Variants in CTSA observed in about 807,000 individuals in gnomAD.
The protein encoded by CTSA is cathepsin A.
A neutral mutation model predicts 66.7 loss-of-function variants in CTSA; 42 were observed. The ratio of observed to expected loss-of-function variants is 0.63; its 90% CI spans 0.49 to 0.81. CTSA has a LOEUF of 0.81. Ranked by LOEUF, CTSA falls within the 40% of genes least tolerant of loss-of-function variation. CTSA has a pLI of 0.00. For synonymous variants in CTSA, 225 were observed against 248.6 expected (o/e 0.91, Z 0.89); for missense variants, 525 against 610.9 (o/e 0.86, Z 1.48).
intron 12 of CTSA, chr20:45,897,256 C>T (rs2083120889): frequency 1.7e-6 from 1 of 605,616 alleles, no homozygotes; most frequent in Admixed American, 2.8e-5. Flanking sequence ...TCTGCATCAG[C>T]CACGGAGTCT....
chr20:45,896,136 A>C (rs2083102791), intron 11 of CTSA, among the ~76,000 whole-genome samples: 1 of 152,126 alleles, frequency 6.6e-6, no homozygotes, highest in Admixed American at 6.6e-5. Flanking sequence ...CAGAGGTTGC[A>C]GTGAGCTGAG....
At chr20:45,892,069 A>C in intron 3 of CTSA, 42 bp downstream of exon 3, 1 of 1,572,244 alleles carries the variant, frequency 6.4e-7, no homozygotes, top group Non-Finnish European at 8.8e-7. Context: ...CCAAAGTAAA[A>C]GGCTGGGGAA....
In CTSA at chr20:45,898,451, T is replaced by C. The variant is rs1601150945; in HGVS notation, c.*1T>C. ...CTTCCTGAACAAGCAGCCATACTGA[T>C]GACCACAGCAACCAGCTCCACGGCC... On this transcript the variant is annotated 3_prime_UTR_variant, in exon 15 of 15. Coordinates refer to ENST00000646241, the MANE Select transcript of CTSA (RefSeq NM_000308.4). This position sits in a 1 kb window ranked among gnomAD's most constrained non-coding sequence, Gnocchi z 4.6. 2.5e-6 allele frequency: 4 copies of C among 1,613,644 alleles called. No individual in the cohort carries two copies. Among genetic ancestry groups the C allele is most frequent in the Non-Finnish European group, 3.4e-6 (4 of 1,179,856 alleles).
Position 45,891,436 on chromosome 20 carries a change from G to A in CTSA, c.-1+57G>A, listed in dbSNP as rs6104389. 1.5e-3 allele frequency: 2,390 copies of A among 1,548,352 alleles called. 21 individuals carry two copies. In the African/African-American group the frequency reaches 0.02, roughly 13 times the overall value. ...CCGAGCCCGGGATCGGTGCGCGGCA[G>A]AGGAGGCTCGCGGGTGGGAGCTGGC... is the stretch of plus-strand genomic sequence containing the variant. On this transcript the variant is annotated intron_variant, in intron 1 of 14. Coordinates refer to ENST00000646241, the MANE Select transcript of CTSA (RefSeq NM_000308.4). The surrounding 1 kb of genome is among the most constrained non-coding windows in gnomAD (Gnocchi z 4.6).
intron 12 of CTSA, chr20:45,897,487 C>T: frequency 1.9e-6 from 1 of 537,506 alleles, no homozygotes; most frequent in East Asian, 3.4e-5. Context: ...TAAATATGAG[C>T]CTCAGGTTCT....
chr20:45,896,973 T>G lies in CTSA; in HGVS notation c.1097T>G (p.Val366Gly). Residue 366 changes from valine (V) to glycine (G), a missense_variant, in exon 12 of 15, where the codon GTA becomes GGA. By Grantham distance (109) the Val-to-Gly change is moderately radical. Around this residue, in one of 3 missense-constraint regions of CTSA, gnomAD observed 274 missense variants for 321.1 expected, o/e 0.85. Transcript: ENST00000646241. ...TCGTATGTTCCCGGCAGCTTTCTGG[T>G]AAACTTACAGTACCGCCGTCTCTAC... ...LPQWDMCNFL[V>G]NLQYRRLYRS... The G allele has an allele frequency of 6.2e-7, 1 of 1,614,060 alleles. No individual in the cohort carries two copies. The highest frequency in any genetic ancestry group is 1.1e-5 in the South Asian group (1 of 91,084).
chr20:45,893,486 C>CTTT (rs5841610), intron 7 of CTSA, 175 bp downstream of exon 7: 299 of 518,542 alleles, frequency 5.8e-4, no homozygotes, highest in East Asian at 6.9e-4. Flanking sequence ...TTCTTTCTTT[C>CTTT]TTTTTTTTTT....
chr20:45,898,037 G>A lies in CTSA; in HGVS notation c.1287G>A (p.Lys429=), dbSNP rs41282776. The A allele has an allele frequency of 3.3e-3, 5,247 of 1,614,126 alleles. 11 individuals carry two copies. Among genetic ancestry groups the A allele is most frequent in the Non-Finnish European group, 3.8e-3 (4,478 of 1,180,006 alleles). Residue 429 remains lysine, a synonymous_variant, in exon 14 of 15, where the codon AAG becomes AAA. Coordinates refer to ENST00000646241, the MANE Select transcript of CTSA (RefSeq NM_000308.4). The surrounding 1 kb of genome is among the most constrained non-coding windows in gnomAD (Gnocchi z 4.6). The stretch of plus-strand genomic sequence containing the variant: ...TGCAGCGCCGGCCCTGGTTAGTGAA[G>A]TACGGGGACAGCGGGGAGCAGATTG... ...MEVQRRPWLV[K]YGDSGEQIAG...
In CTSA at chr20:45,898,619, G is replaced by C. The variant is rs2083140457; in HGVS notation, c.*169G>C. ...CTGGGCCCAGGGTCTCCCATAGACA[G>C]CCTGGGGGCAAGTTAGCACTTTATT... On this transcript the variant is annotated 3_prime_UTR_variant, in exon 15 of 15. Coordinates refer to ENST00000646241, the MANE Select transcript of CTSA (RefSeq NM_000308.4). This position sits in a 1 kb window ranked among gnomAD's most constrained non-coding sequence, Gnocchi z 4.6. 4.6e-5 allele frequency: 35 copies of C among 756,072 alleles called. 1 individual carries two copies. In the South Asian group the frequency reaches 5.1e-4, roughly 11 times the overall value. 46.8% of individuals were successfully genotyped at this position (756,072 alleles called of 1,614,324 possible).
rs1190331674 is a variant in CTSA at position 45,898,108 on chromosome 20, A to C, written c.1358A>C (p.Lys453Thr). 3 of 1,613,654 alleles carry C rather than the reference A, an allele frequency of 1.9e-6. No individual in the cohort carries two copies. Among genetic ancestry groups the C allele is most frequent in the Non-Finnish European group, 2.5e-6 (3 of 1,179,650 alleles). ...EFSHIAFLTIKGAGHMVPTDK... is the reference protein window; with the variant it reads ...EFSHIAFLTITGAGHMVPTDK... ...TCCCACATCGCCTTTCTCACGATCA[A>C]GGTAGGGACTGGGCCTGCTGAGAGA... is the stretch of plus-strand genomic sequence containing the variant. The change falls in exon 14 of 15, where the codon AAG becomes ACG. Residue 453 changes from lysine to threonine, a missense_variant and splice_region_variant. Lys to Thr is a moderately conservative substitution (Grantham distance 78). This residue lies in a region of CTSA where 274 missense variants were observed against 321.1 expected (regional missense o/e 0.85). Transcript: ENST00000646241. The surrounding 1 kb of genome is among the most constrained non-coding windows in gnomAD (Gnocchi z 4.6).
chr20:45,891,702 C>A lies in CTSA; in HGVS notation c.134C>A (p.Pro45Gln), dbSNP rs746311995. 3 of 1,613,370 alleles carry A rather than the reference C, an allele frequency of 1.9e-6. No homozygotes were observed. The highest frequency in any genetic ancestry group is 2.2e-5 in the East Asian group (1 of 44,884). ...IQRLPGLAKQ[P>Q]SFRQYSGYLK... ...CGCCTCCCCGGGCTGGCCAAGCAGC[C>A]GTCTTTCCGCCAGTACTCCGGCTAC... is the stretch of plus-strand genomic sequence containing the variant. The change falls in exon 2 of 15, where the codon CCG becomes CAG. Residue 45 changes from proline to glutamine, a missense_variant. Physicochemically the swap from Pro to Gln is moderately conservative, Grantham distance 76 (BLOSUM62 -1). Transcript: ENST00000646241. The surrounding 1 kb of genome is among the most constrained non-coding windows in gnomAD (Gnocchi z 4.6).
intron 9 of CTSA, 39 bp downstream of exon 9, chr20:45,894,780 C>T: frequency 6.2e-7 from 1 of 1,604,084 alleles, no homozygotes; most frequent in Non-Finnish European, 8.5e-7. Context: ...AACCCCAGCC[C>T]CATCTGGAGG....
At chr20:45,894,126 A>T in intron 8 of CTSA, 54 bp downstream of exon 8, 5 of 1,243,690 alleles carry the variant, frequency 4.0e-6, no homozygotes, top group Non-Finnish European at 5.9e-6. Flanking sequence ...TCCTGAGAAC[A>T]GGACCACATT....
chr20:45,893,897 G>A, intron 7 of CTSA, 91 bp from the exon 8 acceptor site: 1 of 801,920 alleles, frequency 1.2e-6, no homozygotes, highest in Non-Finnish European at 2.2e-6. Flanking sequence ...TAGGGTCAGG[G>A]AGGTTGGTGG....
At position 45,891,483 on chromosome 20, in the gene CTSA, G is replaced by A. The variant is rs535700546; in HGVS notation, c.1-86G>A. The A allele has an allele frequency of 3.9e-6, 6 of 1,547,480 alleles. No individual in the cohort carries two copies. The South Asian group carries it at 7.1e-5, about 18-fold the overall frequency. ...TGGCGCTGGGGCCGGGGCTTCCCTC[G>A]CGGAGGCGCCGCCAGCAACTCCCCG... On this transcript the variant is annotated intron_variant, in intron 1 of 14. Coordinates refer to ENST00000646241, the MANE Select transcript of CTSA (RefSeq NM_000308.4). The surrounding 1 kb of genome is among the most constrained non-coding windows in gnomAD (Gnocchi z 4.6).
Position 45,898,323 on chromosome 20 carries a change from G to A in CTSA, c.1360-44G>A. ...CCCCGAGTGAGCAGTTATATGGGGA[G>A]GAGGGAATGGTGGGGTCAGGAGCTC... On this transcript the variant is annotated intron_variant, in intron 14 of 14. Transcript: ENST00000646241. The surrounding 1 kb of genome is among the most constrained non-coding windows in gnomAD (Gnocchi z 4.6). 1.3e-6 allele frequency: 2 copies of A among 1,537,646 alleles called. No homozygotes were observed. The highest frequency in any genetic ancestry group is 1.7e-5 in the Admixed American group (1 of 58,160).
chr20:45,895,752 T>A (rs1408184728), intron 11 of CTSA, among the ~76,000 whole-genome samples: 1 of 152,142 alleles, frequency 6.6e-6, no homozygotes, highest in Admixed American at 6.5e-5. Flanking sequence ...GGCTAATTTT[T>A]AAAAAATTTT....
At position 45,891,339 on chromosome 20, in the gene CTSA, C is replaced by A; in HGVS notation, c.-41C>A. The A allele has an allele frequency of 1.3e-6, 2 of 1,568,680 alleles. No homozygotes were observed. Among genetic ancestry groups the A allele is most frequent in the Non-Finnish European group, 8.6e-7 (1 of 1,156,992 alleles). Reference sequence around the variant, plus strand: ...TGACTCGTACACATGACTTCCAGTCCCCGGGCGCCTCCTGGAGAGCAAGGA... The same window carrying A: ...TGACTCGTACACATGACTTCCAGTCACCGGGCGCCTCCTGGAGAGCAAGGA... On this transcript the variant is annotated 5_prime_UTR_variant, in exon 1 of 15. Transcript: ENST00000646241. The surrounding 1 kb of genome is among the most constrained non-coding windows in gnomAD (Gnocchi z 4.6).
intron 8 of CTSA, 76 bp from the exon 9 acceptor site, chr20:45,894,574 A>C (rs1987137313): frequency 2.3e-6 from 3 of 1,314,096 alleles, no homozygotes; most frequent in African/African-American, 2.9e-5. Flanking sequence ...AAGAGCAGTA[A>C]ATCTTGGGAC....
Sources: gnomAD v4.1 joint callset for allele counts (sites outside exome capture counted in the v4.1 genomes callset) on GRCh38, gnomAD v4.1.1 for gene constraint, gnomAD v4.1.1 regional missense constraint, Gnocchi (gnomAD v3.1) non-coding constraint, MANE v1.5 for transcripts, NCBI Gene and HGNC (gene_info 2026-07-23, HGNC 2026-07-21) for gene names.